Variants in IL1RAPL1 observed in about 807,000 individuals in gnomAD.
IL1RAPL1 encodes interleukin-1 receptor accessory protein-like 1.
IL1RAPL1 carries 3 observed loss-of-function variants against 48.4 expected under a neutral mutation model. The ratio of observed to expected loss-of-function variants is 0.06; its 90% CI spans 0.03 to 0.16. The LOEUF (loss-of-function observed/expected upper bound fraction) is 0.16, where lower values mean the gene tolerates loss of function less well. Ranked by LOEUF, IL1RAPL1 falls within the 10% of genes least tolerant of loss-of-function variation. The pLI is 1.00. For synonymous variants in IL1RAPL1, 185 were observed against 187.7 expected, an observed-to-expected ratio of 0.99 and a Z score of 0.12; for missense variants, 349 against 530.6, an observed-to-expected ratio of 0.66 and a Z score of 3.36.
chrX:28,742,281 A>T (rs778810178), intron 1 of IL1RAPL1, among the ~76,000 whole-genome samples: 1 of 111,511 alleles, frequency 9.0e-6, no homozygotes, highest in Non-Finnish European at 1.9e-5. Context: ...ATGCCAGACA[A>T]GACGGCAACC....
At chrX:29,882,758 A>G (rs983940529) in intron 6 of IL1RAPL1, among the ~76,000 whole-genome samples, 1 of 112,084 alleles carries the variant, frequency 8.9e-6, no homozygotes, top group Admixed American at 9.5e-5. Context: ...AATTTTAATT[A>G]ATGTAAATTA....
intron 2 of IL1RAPL1, among the ~76,000 whole-genome samples, chrX:28,926,785 A>G (rs1357760230): frequency 9.0e-6 from 1 of 111,310 alleles, no homozygotes; most frequent in Non-Finnish European, 1.9e-5. Flanking sequence ...CACAACAGTT[A>G]TGTCTTCTTT....
chrX:29,186,360 C>T (rs1006399402), intron 2 of IL1RAPL1, among the ~76,000 whole-genome samples: 2 of 111,609 alleles, frequency 1.8e-5, no homozygotes, highest in Non-Finnish European at 3.8e-5. Flanking sequence ...ATTAGGATGC[C>T]AGAAATGAGT....
In IL1RAPL1 at chrX:29,290,694, GT is replaced by G. The variant is rs758327213; in HGVS notation, c.362+7478del. Among the ~76,000 whole-genome samples, 110 of 111,837 alleles carry G rather than the reference GT, an allele frequency of 9.8e-4. 2 individuals carry two copies. Among genetic ancestry groups the G allele is most frequent in the Non-Finnish European group, 2.6e-4 (14 of 53,209 alleles). ...GGTTCTTCCAGTGATCTTGCCTGTGGTCACCTGTGGCTGGAGTCCACTGCAA... is the reference window on the plus strand; with the variant it reads ...GGTTCTTCCAGTGATCTTGCCTGTGGCACCTGTGGCTGGAGTCCACTGCAA... On this transcript the variant is annotated intron_variant, in intron 3 of 10. Transcript: ENST00000378993.
intron 1 of IL1RAPL1, among the ~76,000 whole-genome samples, chrX:28,773,686 G>C (rs1936331652): frequency 9.0e-6 from 1 of 111,424 alleles, no homozygotes. Flanking sequence ...CTCGAAGACT[G>C]CTCCTTCAAC....
rs769555774 is a variant in IL1RAPL1 at position 29,917,204 on chromosome X, A to G, written c.779-260A>G. ...CATGAGAAAACATCAGGCAAACCGAACGGGAAAAATGTTCTGTACAATAGC... is the reference window on the plus strand; with the variant it reads ...CATGAGAAAACATCAGGCAAACCGAGCGGGAAAAATGTTCTGTACAATAGC... On this transcript the variant is annotated intron_variant, in intron 6 of 10. Transcript: ENST00000378993. Among the ~76,000 whole-genome samples, 284 of 112,421 alleles carry G rather than the reference A, an allele frequency of 2.5e-3. 1 individual carries two copies. Among genetic ancestry groups the G allele is most frequent in the Non-Finnish European group, 4.6e-3 (245 of 53,303 alleles).
At chrX:29,310,133 AG>A (rs760542474) in intron 3 of IL1RAPL1, among the ~76,000 whole-genome samples, 8 of 67,253 alleles carry the variant, frequency 1.2e-4, no homozygotes, top group Admixed American at 1.6e-4. Flanking sequence ...AAAAAAAGAA[AG>A]GAAAAAAAAA....
At chrX:29,801,742 G>C (rs766905362) in intron 6 of IL1RAPL1, among the ~76,000 whole-genome samples, 1 of 111,774 alleles carries the variant, frequency 8.9e-6, no homozygotes, top group Non-Finnish European at 1.9e-5. Context: ...AACTAAGATC[G>C]ATCAAAGTAA....
intron 2 of IL1RAPL1, among the ~76,000 whole-genome samples, chrX:29,193,093 A>T (rs1396401756): frequency 9.0e-6 from 1 of 110,841 alleles, no homozygotes; most frequent in South Asian, 3.8e-4. Flanking sequence ...CTAAAAGTTG[A>T]GTGATTGAAG....
At chrX:29,393,966 G>C (rs1265070619) in intron 3 of IL1RAPL1, among the ~76,000 whole-genome samples, 1 of 110,597 alleles carries the variant, frequency 9.0e-6, no homozygotes, top group Non-Finnish European at 1.9e-5. Flanking sequence ...TTTTTCACTT[G>C]GGTGTGAAGC....
At chrX:29,135,685 T>C (rs1253845122) in intron 2 of IL1RAPL1, among the ~76,000 whole-genome samples, 2 of 111,884 alleles carry the variant, frequency 1.8e-5, no homozygotes, top group African/African-American at 6.5e-5. Context: ...GAGAAACACA[T>C]TTGCAGAACA....
intron 6 of IL1RAPL1, among the ~76,000 whole-genome samples, chrX:29,864,549 T>C (rs1351612821): frequency 8.9e-6 from 1 of 112,162 alleles, no homozygotes; most frequent in Non-Finnish European, 1.9e-5. Flanking sequence ...ATGTGTGTAC[T>C]GGCCAAAATA....
intron 2 of IL1RAPL1, among the ~76,000 whole-genome samples, chrX:29,210,732 C>T (rs993217135): frequency 9.0e-6 from 1 of 111,675 alleles, no homozygotes; most frequent in Non-Finnish European, 1.9e-5. Context: ...TTAAGAGTCA[C>T]GCTCCCCTTG....
intron 1 of IL1RAPL1, among the ~76,000 whole-genome samples, chrX:28,771,937 C>CAAAAAA (rs5901904): frequency 1.0e-3 from 43 of 41,947 alleles, no homozygotes; most frequent in African/African-American, 2.3e-3. Flanking sequence ...GACTCCGTCT[C>CAAAAAA]AAAAAAAAAA....
At chrX:28,971,827 C>T (rs1258099438) in intron 2 of IL1RAPL1, among the ~76,000 whole-genome samples, 4 of 108,828 alleles carry the variant, frequency 3.7e-5, no homozygotes, top group Non-Finnish European at 7.6e-5. Context: ...GGAGGTCATA[C>T]ACGGGGCTGC....
chrX:29,718,372 A>G (rs1927539496), intron 6 of IL1RAPL1, among the ~76,000 whole-genome samples: 2 of 107,635 alleles, frequency 1.9e-5, no homozygotes, highest in Non-Finnish European at 3.8e-5. Context: ...CCCAAACACC[A>G]CATGTTCTCA....
At chrX:29,933,242 G>C (rs746663162) in intron 8 of IL1RAPL1, among the ~76,000 whole-genome samples, 1 of 111,065 alleles carries the variant, frequency 9.0e-6, no homozygotes, top group Non-Finnish European at 1.9e-5. Flanking sequence ...TAGATGACAG[G>C]TTGATGGGTG....
At chrX:29,381,444 C>T (rs1245783869) in intron 3 of IL1RAPL1, among the ~76,000 whole-genome samples, 1 of 82,409 alleles carries the variant, frequency 1.2e-5, no homozygotes, top group Non-Finnish European at 2.2e-5. Context: ...TGCTGGATCC[C>T]TGGAATTAGA....
intron 2 of IL1RAPL1, among the ~76,000 whole-genome samples, chrX:28,825,750 T>C (rs1464882295): frequency 9.0e-6 from 1 of 111,519 alleles, no homozygotes; most frequent in Non-Finnish European, 1.9e-5. Context: ...GGCCTCCTGA[T>C]AATAAGCAGT....
Sources: gnomAD v4.1 joint callset for allele counts (sites outside exome capture counted in the v4.1 genomes callset) on GRCh38, gnomAD v4.1.1 for gene constraint, MANE v1.5 for transcripts, NCBI Gene and HGNC (gene_info 2026-07-23, HGNC 2026-07-21) for gene names.